The following SUSD4 variants were observed in gnomAD, a reference collection of about 807,000 sequenced individuals.
SUSD4 encodes sushi domain containing 4, also known as sushi domain-containing protein 4.
In SUSD4, 41 loss-of-function variants were observed where a neutral mutation model predicts 50.5. That is an observed-to-expected ratio of 0.81 (90% confidence interval 0.63 to 1.05). SUSD4 has a LOEUF of 1.05. Among genes scored for constraint, SUSD4 ranks in the 50% least tolerant of loss-of-function variants. The probability of loss-of-function intolerance (pLI) is 0.00; values close to 1 mark genes in which losing one functional copy is unlikely to be tolerated. For missense variants in SUSD4, 580 were observed against 634.7 expected, an observed-to-expected ratio of 0.91 and a Z score of 0.93; for synonymous variants, 257 against 257.3, an observed-to-expected ratio of 1.00 and a Z score of 0.01.
intron 2 of SUSD4, among the ~76,000 whole-genome samples, chr1:223,304,944 T>C (rs1665441751): frequency 6.7e-6 from 1 of 149,912 alleles, no homozygotes; most frequent in African/African-American, 2.5e-5. Context: ...CCTAGAGCCA[T>C]GTTAATATCT....
At chr1:223,364,372 G>A (rs934944934), upstream of SUSD4, among the ~76,000 whole-genome samples, 2 of 147,506 alleles carry the variant, frequency 1.4e-5, no homozygotes, top group South Asian at 2.1e-4. The surrounding 1 kb of genome is among the most constrained non-coding windows in gnomAD (Gnocchi z 4.5). Context: ...GGGTGAGTGG[G>A]GGGGCGGGGA....
chr1:223,292,702 C>T (rs1558222467), intron 2 of SUSD4, 51 bp from the exon 3 acceptor site: 1 of 1,585,588 alleles, frequency 6.3e-7, no homozygotes, highest in Non-Finnish European at 8.6e-7. Context: ...TCTCTCAATG[C>T]CAAGGGCCTT....
chr1:223,262,705 T>C (rs751576278), intron 5 of SUSD4, among the ~76,000 whole-genome samples: 11 of 152,160 alleles, frequency 7.2e-5, no homozygotes, highest in Non-Finnish European at 1.3e-4. Flanking sequence ...TTTGTACCTT[T>C]AGCCAGTGTT....
intron 5 of SUSD4, among the ~76,000 whole-genome samples, chr1:223,249,759 T>G (rs931688383): frequency 6.6e-6 from 1 of 152,206 alleles, no homozygotes; most frequent in African/African-American, 2.4e-5. Context: ...TATTTCTTAG[T>G]GTTCTGCAAA....
intron 5 of SUSD4, among the ~76,000 whole-genome samples, chr1:223,254,287 A>G (rs1661534518): frequency 6.6e-6 from 1 of 152,092 alleles, no homozygotes. Context: ...CAAACCAATG[A>G]AGCTGTCAGC....
At chr1:223,260,450 G>C (rs1333227718) in intron 5 of SUSD4, among the ~76,000 whole-genome samples, 1 of 152,140 alleles carries the variant, frequency 6.6e-6, no homozygotes, top group East Asian at 1.9e-4. Flanking sequence ...CAATGTGTGC[G>C]TGTGTGTGCA....
At chr1:223,254,453 A>G (rs1231806881) in intron 5 of SUSD4, among the ~76,000 whole-genome samples, 1 of 152,186 alleles carries the variant, frequency 6.6e-6, no homozygotes, top group African/African-American at 2.4e-5. Context: ...ACCAAGGCTA[A>G]AAGGAAGGCA....
chr1:223,351,493 G>A lies in SUSD4; in HGVS notation c.148+11785C>T, dbSNP rs111921471. ...CACCACACCATGATTCTAGTGCTCT[G>A]GGAGTTCTGAGAACACAGAGATTTC... On this transcript the variant is annotated intron_variant, in intron 2 of 8. Transcript: ENST00000366878. 7.9e-3 allele frequency among the ~76,000 whole-genome samples: 1,196 copies of A among 152,210 alleles called. 15 individuals carry two copies. The highest frequency in any genetic ancestry group is 0.027 in the African/African-American group (1,124 of 41,508).
intron 3 of SUSD4, among the ~76,000 whole-genome samples, chr1:223,277,059 A>C (rs1663327429): frequency 6.6e-6 from 1 of 152,208 alleles, no homozygotes; most frequent in South Asian, 2.1e-4. Context: ...CCACAGTTTC[A>C]ATGAATAAAG....
chr1:223,362,831 T>C (rs1234400366), intron 2 of SUSD4, among the ~76,000 whole-genome samples: 1 of 151,964 alleles, frequency 6.6e-6, no homozygotes, highest in East Asian at 1.9e-4. Context: ...TTCTCAAAGG[T>C]GGTTCTTAAA....
chr1:223,289,404 AG>A (rs1664341430), intron 3 of SUSD4: 2 of 642,808 alleles, frequency 3.1e-6, no homozygotes, highest in African/African-American at 4.0e-5. Context: ...AATTGGAATA[AG>A]GGGGCCATGT....
rs758742840 is a variant in SUSD4 at position 223,223,462 on chromosome 1, G to A, written c.1231C>T (p.Pro411Ser). Reference protein sequence around the residue: ...GCPLPVDDQSPPAYPGSGDTD... With the variant: ...GCPLPVDDQSSPAYPGSGDTD... ...TCCCCTGAGCCGGGGTATGCTGGGG[G>A]GCTCTGGTCGTCCACGGGTAAGGGG... The change falls in exon 8 of 9, where the codon CCC becomes TCC. Residue 411 changes from proline (P) to serine (S), a missense_variant. Coordinates refer to ENST00000366878, the MANE Select transcript of SUSD4 (RefSeq NM_017982.4). 20 of 1,614,034 alleles carry A rather than the reference G, an allele frequency of 1.2e-5. No individual in the cohort carries two copies. Among genetic ancestry groups the A allele is most frequent in the Non-Finnish European group, 1.7e-5 (20 of 1,179,968 alleles).
intron 5 of SUSD4, among the ~76,000 whole-genome samples, chr1:223,261,055 C>T (rs769373788): frequency 1.3e-5 from 2 of 152,146 alleles, no homozygotes; most frequent in Non-Finnish European, 2.9e-5. Flanking sequence ...ATGTCCTCAT[C>T]TGTAAAAGGA....
At chr1:223,257,746 T>C (rs762976687) in intron 5 of SUSD4, among the ~76,000 whole-genome samples, 4 of 152,208 alleles carry the variant, frequency 2.6e-5, no homozygotes, top group Non-Finnish European at 4.4e-5. Context: ...TGCTTTCTTA[T>C]TGTGGATCAC....
intron 2 of SUSD4, among the ~76,000 whole-genome samples, chr1:223,336,489 G>A (rs1353473606): frequency 6.6e-6 from 1 of 152,194 alleles, no homozygotes; most frequent in Non-Finnish European, 1.5e-5. Flanking sequence ...TGCCTCTGAG[G>A]CGTGAATAGC....
intron 2 of SUSD4, among the ~76,000 whole-genome samples, chr1:223,301,758 A>T (rs954246013): frequency 4.6e-5 from 7 of 152,200 alleles, no homozygotes; most frequent in Non-Finnish European, 5.9e-5. Flanking sequence ...TTTAAAGACA[A>T]AGTTTAGTCA....
intron 2 of SUSD4, among the ~76,000 whole-genome samples, chr1:223,301,720 G>C (rs780777059): frequency 8.5e-5 from 13 of 152,120 alleles, no homozygotes; most frequent in Non-Finnish European, 1.5e-4. Context: ...TCTCATGAGA[G>C]GAAAAACTTC....
intron 2 of SUSD4, among the ~76,000 whole-genome samples, chr1:223,361,240 A>T (rs907570264): frequency 5.3e-5 from 8 of 152,218 alleles, no homozygotes; most frequent in African/African-American, 1.9e-4. Context: ...TGAACTCTAT[A>T]GGACATCCCC....
chr1:223,329,410 A>G (rs929608117), intron 2 of SUSD4, among the ~76,000 whole-genome samples: 19 of 152,172 alleles, frequency 1.2e-4, no homozygotes, highest in Non-Finnish European at 2.4e-4. Flanking sequence ...CTTTCCCCAT[A>G]TGTGCACTCT....
Sources: gnomAD v4.1 joint callset for allele counts (sites outside exome capture counted in the v4.1 genomes callset) on GRCh38, gnomAD v4.1.1 for gene constraint, Gnocchi (gnomAD v3.1) non-coding constraint, MANE v1.5 for transcripts, NCBI Gene and HGNC (gene_info 2026-07-23, HGNC 2026-07-21) for gene names.